ASIC2: variants seen among roughly 807,000 people sequenced by gnomAD.
ASIC2 encodes the protein acid sensing ion channel subunit 2, also known as acid-sensing ion channel 2.
In ASIC2, 25 loss-of-function variants were observed where a neutral mutation model predicts 57.3. The observed-to-expected ratio is 0.44, with a 90% confidence interval of 0.32 to 0.61. ASIC2 has a LOEUF of 0.61. ASIC2 is among the 20% of genes least tolerant of loss of function. The pLI, the probability that ASIC2 is intolerant of heterozygous loss-of-function variation, is 0.06. For missense variants in ASIC2, 641 were observed against 738.1 expected, an observed-to-expected ratio of 0.87 and a Z score of 1.52; for synonymous variants, 319 against 307.5, an observed-to-expected ratio of 1.04 and a Z score of -0.39.
At chr17:33,844,911 G>A (rs1320960788) in intron 1 of ASIC2, among the ~76,000 whole-genome samples, 1 of 152,138 alleles carries the variant, frequency 6.6e-6, no homozygotes, top group African/African-American at 2.4e-5. Flanking sequence ...CCATTTTACA[G>A]ATGGGAAATA....
intron 1 of ASIC2, among the ~76,000 whole-genome samples, chr17:33,661,444 TAGAAAC>T (rs1170081873): frequency 6.6e-6 from 1 of 152,168 alleles, no homozygotes; most frequent in African/African-American, 2.4e-5. Context: ...GTAGAATAAA[TAGAAAC>T]AGAGCACCCT....
At chr17:33,169,346 G>A (rs1040155987) in intron 1 of ASIC2, among the ~76,000 whole-genome samples, 16 of 152,150 alleles carry the variant, frequency 1.1e-4, no homozygotes, top group Admixed American at 6.5e-5. Context: ...CTCTCCCATT[G>A]TCCATGGTGC....
chr17:33,320,859 T>C (rs1046051305), intron 1 of ASIC2, among the ~76,000 whole-genome samples: 1 of 152,196 alleles, frequency 6.6e-6, no homozygotes. Context: ...ACTGATTTTT[T>C]TGTGGGTGTC....
intron 1 of ASIC2, among the ~76,000 whole-genome samples, chr17:33,675,338 C>T (rs191407422): frequency 6.6e-6 from 1 of 152,260 alleles, no homozygotes; most frequent in East Asian, 1.9e-4. Flanking sequence ...ACCAGGATGT[C>T]CTGTCTACTC....
intron 1 of ASIC2, among the ~76,000 whole-genome samples, chr17:33,974,356 C>G (rs773457582): frequency 6.6e-5 from 10 of 152,142 alleles, no homozygotes; most frequent in Non-Finnish European, 1.0e-4. Flanking sequence ...CTCCAGCAGC[C>G]ATTGTGCTTA....
chr17:33,753,979 C>T (rs1202642954), intron 1 of ASIC2, among the ~76,000 whole-genome samples: 3 of 152,084 alleles, frequency 2.0e-5, no homozygotes, highest in Admixed American at 6.5e-5. Context: ...CGGAAGAGAG[C>T]GTACATAGGA....
chr17:33,363,781 C>T (rs540618571), intron 1 of ASIC2, among the ~76,000 whole-genome samples: 99 of 152,284 alleles, frequency 6.5e-4, no homozygotes, highest in Admixed American at 1.7e-3. Context: ...GCTCCACACA[C>T]GTCAGAAGGT....
chr17:33,452,495 C>T (rs1912285806), intron 1 of ASIC2, among the ~76,000 whole-genome samples: 1 of 152,186 alleles, frequency 6.6e-6, no homozygotes, highest in Admixed American at 6.5e-5. Context: ...ATTATCACAG[C>T]CTCAGTCTTG....
chr17:33,553,805 G>C (rs1915823371), intron 1 of ASIC2, among the ~76,000 whole-genome samples: 1 of 152,082 alleles, frequency 6.6e-6, no homozygotes, highest in South Asian at 2.1e-4. Context: ...AGAAGCTTAG[G>C]CTAAGACAGA....
At chr17:33,303,031 G>A (rs1343646932) in intron 1 of ASIC2, among the ~76,000 whole-genome samples, 1 of 152,186 alleles carries the variant, frequency 6.6e-6, no homozygotes, top group African/African-American at 2.4e-5. Flanking sequence ...CTAGAATCCA[G>A]CACTGAATTA....
At chr17:33,494,483 C>CT (rs1913863930) in intron 1 of ASIC2, among the ~76,000 whole-genome samples, 1 of 152,192 alleles carries the variant, frequency 6.6e-6, no homozygotes, top group Admixed American at 6.5e-5. Flanking sequence ...ACAAGACATT[C>CT]TTCACACGAG....
intron 1 of ASIC2, among the ~76,000 whole-genome samples, chr17:33,548,490 G>C (rs1915648780): frequency 6.6e-6 from 1 of 152,146 alleles, no homozygotes; most frequent in African/African-American, 2.4e-5. Flanking sequence ...AACTAGATTG[G>C]AAGTCAGAGC....
intron 1 of ASIC2, among the ~76,000 whole-genome samples, chr17:33,182,064 A>G (rs1446647611): frequency 1.3e-5 from 2 of 152,206 alleles, no homozygotes; most frequent in Non-Finnish European, 2.9e-5. Flanking sequence ...AAAAGGCTGC[A>G]GTGTGACAAG....
At chr17:33,246,844 G>A (rs905672970) in intron 1 of ASIC2, among the ~76,000 whole-genome samples, 6 of 152,168 alleles carry the variant, frequency 3.9e-5, no homozygotes, top group African/African-American at 9.7e-5. Flanking sequence ...ACAGTGAGTC[G>A]GTGGTTGCCC....
rs143615397 is a variant in ASIC2 at position 33,606,907 on chromosome 17, C to T, written c.556-494840G>A. On this transcript the variant is annotated intron_variant, in intron 1 of 9. Coordinates refer to the ASIC2 transcript ENST00000359872. Reference sequence around the variant, plus strand: ...CCAATCCCATTCTGTGGTCACAGTGCCTCCTAGGCTCATCCTAGTCTATGC... The same window carrying T: ...CCAATCCCATTCTGTGGTCACAGTGTCTCCTAGGCTCATCCTAGTCTATGC... Among the ~76,000 whole-genome samples the T allele has an allele frequency of 1.4e-3, 211 of 152,290 alleles. 1 individual carries two copies. The highest frequency in any genetic ancestry group is 4.6e-3 in the African/African-American group (190 of 41,570).
chr17:33,141,579 C>T (rs1904321812), intron 1 of ASIC2, among the ~76,000 whole-genome samples: 1 of 152,130 alleles, frequency 6.6e-6, no homozygotes, highest in Admixed American at 6.5e-5. Context: ...GGGTTTGACC[C>T]AAACACTTTG....
intron 1 of ASIC2, among the ~76,000 whole-genome samples, chr17:33,811,248 C>T (rs1401092742): frequency 6.6e-6 from 1 of 152,204 alleles, no homozygotes; most frequent in Non-Finnish European, 1.5e-5. Flanking sequence ...TCTGGCCCTG[C>T]TCTTCATTTC....
intron 1 of ASIC2, among the ~76,000 whole-genome samples, chr17:33,638,877 G>A (rs1032927372): frequency 1.3e-5 from 2 of 152,102 alleles, no homozygotes; most frequent in East Asian, 1.9e-4. Flanking sequence ...GGCACTTCCC[G>A]GCTTCCTTGT....
chr17:34,056,747 C>T (rs1908779501), intron 1 of ASIC2, among the ~76,000 whole-genome samples: 1 of 152,220 alleles, frequency 6.6e-6, no homozygotes, highest in African/African-American at 2.4e-5. Flanking sequence ...AAATAACCTA[C>T]TGATTCAGTA....
Sources: allele counts gnomAD v4.1 joint callset (sites outside exome capture counted in the v4.1 genomes callset), GRCh38; gene constraint gnomAD v4.1.1; transcripts MANE v1.5; gene names NCBI Gene and HGNC (gene_info 2026-07-23, HGNC 2026-07-21).